ROBO1: variants seen among roughly 807,000 people sequenced by gnomAD.
ROBO1 encodes roundabout homolog 1.
In ROBO1, 149 loss-of-function variants were observed where a neutral mutation model predicts 195.9. The ratio of observed to expected loss-of-function variants is 0.76; its 90% CI spans 0.67 to 0.87. ROBO1 has a LOEUF of 0.87. Ranked by LOEUF, ROBO1 falls within the 40% of genes least tolerant of loss-of-function variation. The pLI is 0.00. For synonymous variants in ROBO1, 816 were observed against 733.2 expected (o/e 1.11, Z -1.82); for missense variants, 1,933 against 2,068.3 (o/e 0.93, Z 1.27).
At chr3:78,831,394 A>G (rs1346880186) in intron 4 of ROBO1, among the ~76,000 whole-genome samples, 2 of 152,176 alleles carry the variant, frequency 1.3e-5, no homozygotes, top group African/African-American at 2.4e-5. Flanking sequence ...AATCCTGCAA[A>G]TAGTAGTTTA....
intron 3 of ROBO1, among the ~76,000 whole-genome samples, chr3:78,957,133 C>A (rs1186648551): frequency 6.6e-6 from 1 of 152,006 alleles, no homozygotes; most frequent in Non-Finnish European, 1.5e-5. Context: ...ATAATAAAAT[C>A]TTTTATTTTA....
rs540953438 is a variant in ROBO1 at position 79,003,300 on chromosome 3, G to A, written c.173-64373C>T. 6.6e-5 allele frequency among the ~76,000 whole-genome samples: 10 copies of A among 152,176 alleles called. No homozygotes were observed. The South Asian group carries it at 1.2e-3, about 19-fold the overall frequency. On this transcript the variant is annotated intron_variant, in intron 3 of 30. Transcript: ENST00000464233. ...TTTTGTTTGCTGTTTTGAAATCACC[G>A]GGAGGGGAGATTAAATTATTTTTAA...
Position 79,162,412 on chromosome 3 carries a change from G to A in ROBO1, c.89-36873C>T, listed in dbSNP as rs540298233. 2.0e-5 allele frequency among the ~76,000 whole-genome samples: 3 copies of A among 152,156 alleles called. No individual in the cohort carries two copies. The South Asian group carries it at 6.2e-4, about 32-fold the overall frequency. On this transcript the variant is annotated intron_variant, in intron 2 of 30. Coordinates refer to ENST00000464233, the MANE Select transcript of ROBO1 (RefSeq NM_002941.4). ...AACCTACATGTGGTAAGGAAATATG[G>A]TTTGAGGGATATTTTTGCCTTTATC...
intron 4 of ROBO1, among the ~76,000 whole-genome samples, chr3:78,919,875 A>T (rs560104788): frequency 4.1e-4 from 62 of 152,324 alleles, no homozygotes; most frequent in South Asian, 1.7e-3. Flanking sequence ...TGATAACTTG[A>T]TTTGCTAATA....
At position 79,681,794 on chromosome 3, in the gene ROBO1, C is replaced by T. The variant is rs189507764; in HGVS notation, c.-51+85958G>A. On this transcript the variant is annotated intron_variant, in intron 1 of 30. Coordinates refer to ENST00000464233, the MANE Select transcript of ROBO1 (RefSeq NM_002941.4). ...AGACTTTTGTAGGGATAGTGTCATT[C>T]ACAGACAACAAAACAGACAATGGAT... 2.9e-3 allele frequency among the ~76,000 whole-genome samples: 435 copies of T among 151,948 alleles called. 1 individual carries two copies. Among genetic ancestry groups the T allele is most frequent in the Middle Eastern group, 0.01 (3 of 294 alleles).
At chr3:78,925,573 T>G (rs978608419) in intron 4 of ROBO1, among the ~76,000 whole-genome samples, 8 of 152,212 alleles carry the variant, frequency 5.3e-5, no homozygotes, top group African/African-American at 1.9e-4. Context: ...AAAAACACCT[T>G]TTTTCATTGA....
At chr3:79,093,570 T>C (rs1362571721) in intron 3 of ROBO1, among the ~76,000 whole-genome samples, 1 of 152,124 alleles carries the variant, frequency 6.6e-6, no homozygotes, top group Non-Finnish European at 1.5e-5. Context: ...ATGCTGTATC[T>C]CCTTATTGCT....
intron 2 of ROBO1, among the ~76,000 whole-genome samples, chr3:79,506,308 T>G (rs555685847): frequency 6.6e-6 from 1 of 152,234 alleles, no homozygotes; most frequent in South Asian, 2.1e-4. Context: ...GTAAGATGCC[T>G]AACCAGCAAC....
At chr3:78,788,096 C>T (rs1309096410) in intron 4 of ROBO1, among the ~76,000 whole-genome samples, 4 of 151,236 alleles carry the variant, frequency 2.6e-5, no homozygotes, top group Admixed American at 1.3e-4. Context: ...CCTGCCACCG[C>T]GCCCGACTGA....
At chr3:79,485,275 G>T (rs748910313) in intron 2 of ROBO1, among the ~76,000 whole-genome samples, 1 of 151,636 alleles carries the variant, frequency 6.6e-6, no homozygotes, top group Non-Finnish European at 1.5e-5. Flanking sequence ...AAATGTACAC[G>T]TTAATTCAAA....
chr3:79,040,834 CT>C (rs1411690807), intron 3 of ROBO1, among the ~76,000 whole-genome samples: 3 of 152,032 alleles, frequency 2.0e-5, no homozygotes, highest in Non-Finnish European at 4.4e-5. Context: ...TGTAATACTT[CT>C]TTTTAAACTT....
chr3:79,060,839 G>A (rs1401572302), intron 3 of ROBO1, among the ~76,000 whole-genome samples: 1 of 152,066 alleles, frequency 6.6e-6, no homozygotes, highest in Admixed American at 6.6e-5. Context: ...AGGTATTGAT[G>A]GACTATATCT....
intron 28 of ROBO1, among the ~76,000 whole-genome samples, chr3:78,613,630 G>A (rs1045678322): frequency 5.3e-5 from 8 of 152,128 alleles, no homozygotes; most frequent in African/African-American, 1.9e-4. Context: ...ATAGATAATA[G>A]CATGGACAGC....
At chr3:79,729,008 A>T (rs1000785812) in intron 1 of ROBO1, among the ~76,000 whole-genome samples, 1 of 152,212 alleles carries the variant, frequency 6.6e-6, no homozygotes, top group Non-Finnish European at 1.5e-5. Flanking sequence ...GACCATATGG[A>T]AATGTTTTAC....
chr3:78,851,810 G>A (rs2034084293), intron 4 of ROBO1, among the ~76,000 whole-genome samples: 1 of 151,836 alleles, frequency 6.6e-6, no homozygotes, highest in Non-Finnish European at 1.5e-5. Flanking sequence ...TTTTATAATA[G>A]GTAAATCAGT....
At chr3:78,931,476 C>T (rs1450164456) in intron 4 of ROBO1, among the ~76,000 whole-genome samples, 1 of 151,898 alleles carries the variant, frequency 6.6e-6, no homozygotes, top group East Asian at 1.9e-4. Context: ...GAAGTCTTAA[C>T]CTCAAGCGAT....
At chr3:79,747,643 A>G (rs887962151) in intron 1 of ROBO1, among the ~76,000 whole-genome samples, 3 of 152,066 alleles carry the variant, frequency 2.0e-5, no homozygotes, top group Non-Finnish European at 4.4e-5. Flanking sequence ...AATATTTTCT[A>G]TAGTCACAGG....
At chr3:78,659,887 A>G (rs917126048) in intron 16 of ROBO1, 80 bp from the exon 17 acceptor site, 9 of 1,144,790 alleles carry the variant, frequency 7.9e-6, no homozygotes, top group Non-Finnish European at 1.1e-5. Flanking sequence ...CAAACCCAAT[A>G]ATAGATGTAT....
intron 2 of ROBO1, among the ~76,000 whole-genome samples, chr3:79,311,047 A>C (rs2033462408): frequency 6.6e-6 from 1 of 152,178 alleles, no homozygotes; most frequent in Non-Finnish European, 1.5e-5. Context: ...AGCTTGCTTC[A>C]TGACTAATGG....
Sources: gnomAD v4.1 joint callset for allele counts (sites outside exome capture counted in the v4.1 genomes callset) on GRCh38, gnomAD v4.1.1 for gene constraint, MANE v1.5 for transcripts, NCBI Gene and HGNC (gene_info 2026-07-23, HGNC 2026-07-21) for gene names.